The following NLGN1 variants were observed in gnomAD, a reference collection of about 807,000 sequenced individuals.
NLGN1 encodes the protein neuroligin-1.
In NLGN1, 12 loss-of-function variants were observed where a neutral mutation model predicts 65.5. That is an observed-to-expected ratio of 0.18 (90% CI 0.12 to 0.30). The LOEUF is 0.30. Ranked by LOEUF, NLGN1 falls within the 10% of genes least tolerant of loss-of-function variation. NLGN1 has a pLI of 1.00. For synonymous variants in NLGN1, 350 were observed against 359.5 expected (o/e 0.97, Z 0.30); for missense variants, 750 against 1,007.1 (o/e 0.74, Z 3.46).
chr3:173,546,957 G>A (rs1241360593), intron 2 of NLGN1, among the ~76,000 whole-genome samples: 1 of 152,082 alleles, frequency 6.6e-6, no homozygotes, highest in Non-Finnish European at 1.5e-5. Context: ...AAATTAAACA[G>A]TATAAAATAA....
At chr3:173,517,751 T>TATCTATCC (rs1553874085) in intron 2 of NLGN1, among the ~76,000 whole-genome samples, 1 of 14,032 alleles carries the variant, frequency 7.1e-5, no homozygotes, top group Non-Finnish European at 1.6e-4. Context: ...TTCGCAAATT[T>TATCTATCC]ATCTATCTAT....
Position 173,414,544 on chromosome 3 carries a change from G to A in NLGN1, c.-390+16057G>A, listed in dbSNP as rs1294304745. 2.7e-5 allele frequency among the ~76,000 whole-genome samples: 4 copies of A among 150,160 alleles called. No homozygotes were observed. In the South Asian group the frequency reaches 8.4e-4, roughly 31 times the overall value. ...TGCCACCTCAGAACCTTAGTTAAGA[G>A]ACTAGAACTACATTATATGATATGC... On this transcript the variant is annotated intron_variant, in intron 1 of 6. Transcript: ENST00000457714.
chr3:173,555,762 G>A (rs1560430317), intron 2 of NLGN1, among the ~76,000 whole-genome samples: 1 of 152,132 alleles, frequency 6.6e-6, no homozygotes, highest in Admixed American at 6.6e-5. Flanking sequence ...GATTACAGGC[G>A]TGAGCAAATG....
chr3:173,728,399 A>G (rs1772192369), intron 3 of NLGN1, among the ~76,000 whole-genome samples: 1 of 152,084 alleles, frequency 6.6e-6, no homozygotes, highest in African/African-American at 2.4e-5. Flanking sequence ...AGGACAATAT[A>G]TAACAGAGGT....
chr3:173,595,622 C>T (rs1457993059), intron 2 of NLGN1, among the ~76,000 whole-genome samples: 2 of 152,156 alleles, frequency 1.3e-5, no homozygotes, highest in Non-Finnish European at 2.9e-5. Flanking sequence ...TTCAGCAGTG[C>T]CCCACTCTGC....
intron 4 of NLGN1, among the ~76,000 whole-genome samples, chr3:174,103,535 G>A (rs1431541829): frequency 6.6e-6 from 1 of 151,858 alleles, no homozygotes; most frequent in Non-Finnish European, 1.5e-5. Flanking sequence ...TTTTTTATTG[G>A]CAATTAAATG....
At chr3:173,683,388 T>C (rs956404629) in intron 3 of NLGN1, among the ~76,000 whole-genome samples, 3 of 152,014 alleles carry the variant, frequency 2.0e-5, no homozygotes, top group Non-Finnish European at 4.4e-5. Flanking sequence ...GGAAATAGAG[T>C]TGAAATTCCC....
chr3:173,939,748 AAAT>A (rs1174507369), intron 4 of NLGN1, among the ~76,000 whole-genome samples: 2 of 152,168 alleles, frequency 1.3e-5, no homozygotes, highest in Non-Finnish European at 2.9e-5. Context: ...TTTTCTGCCC[AAAT>A]AATAATGAAA....
chr3:173,489,603 A>T (rs1728762374), intron 2 of NLGN1, among the ~76,000 whole-genome samples: 1 of 152,256 alleles, frequency 6.6e-6, no homozygotes, highest in Admixed American at 6.5e-5. Flanking sequence ...TATACCCAGT[A>T]ATGGGATGGC....
chr3:173,605,536 A>C (rs1450642569), intron 3 of NLGN1: 3 of 1,284,780 alleles, frequency 2.3e-6, no homozygotes, highest in African/African-American at 3.0e-5. Context: ...TTTTTCAGTA[A>C]AAAGAATATC....
At chr3:174,220,290 TGGACCAATA>T in intron 4 of NLGN1, among the ~76,000 whole-genome samples, 1 of 152,084 alleles carries the variant, frequency 6.6e-6, no homozygotes, top group Non-Finnish European at 1.5e-5. Context: ...ATAAACTGAG[TGGACCAATA>T]AAATCAAAAT....
At chr3:173,568,050 A>G (rs1159916694) in intron 2 of NLGN1, among the ~76,000 whole-genome samples, 1 of 152,200 alleles carries the variant, frequency 6.6e-6, no homozygotes, top group African/African-American at 2.4e-5. Context: ...TGACTAAATC[A>G]AGCTAACATA....
chr3:174,268,054 A>G (rs899087318), intron 4 of NLGN1, among the ~76,000 whole-genome samples: 3 of 152,146 alleles, frequency 2.0e-5, no homozygotes, highest in African/African-American at 7.2e-5. Flanking sequence ...ATAATTCTGA[A>G]GTATATAGTT....
intron 2 of NLGN1, among the ~76,000 whole-genome samples, chr3:173,501,191 A>G (rs779458066): frequency 1.3e-5 from 2 of 152,028 alleles, no homozygotes; most frequent in South Asian, 2.1e-4. Flanking sequence ...TGCTGCGCCT[A>G]TCAACCCATC....
intron 4 of NLGN1, among the ~76,000 whole-genome samples, chr3:174,200,072 G>A (rs1339861730): frequency 6.6e-6 from 1 of 152,060 alleles, no homozygotes; most frequent in Non-Finnish European, 1.5e-5. Context: ...GGGATGCTGG[G>A]GTCTAATAAT....
chr3:174,095,923 C>T (rs1290192389), intron 4 of NLGN1, among the ~76,000 whole-genome samples: 1 of 151,886 alleles, frequency 6.6e-6, no homozygotes, highest in Non-Finnish European at 1.5e-5. Flanking sequence ...TAGCTTGAAC[C>T]CAGGAGGCAG....
rs534838451 is a variant in NLGN1, at chr3:173,759,913, A to G, written c.494-47767A>G. The stretch of plus-strand genomic sequence containing the variant: ...TTATTGTTTTATAATTACATCTTTA[A>G]TCAACTGGAATTGGGTGACACAAGG... On this transcript the variant is annotated intron_variant, in intron 3 of 6. Transcript: ENST00000457714. 4.6e-5 allele frequency among the ~76,000 whole-genome samples: 7 copies of G among 151,950 alleles called. No homozygotes were observed. The East Asian group carries it at 1.4e-3, about 29-fold the overall frequency.
At chr3:173,759,725 C>T (rs749881146) in intron 3 of NLGN1, among the ~76,000 whole-genome samples, 7 of 151,872 alleles carry the variant, frequency 4.6e-5, no homozygotes, top group Admixed American at 2.0e-4. Flanking sequence ...TAGAATAGCT[C>T]GTATATTGTT....
chr3:173,649,603 C>T (rs969258291), intron 3 of NLGN1, among the ~76,000 whole-genome samples: 3 of 152,084 alleles, frequency 2.0e-5, no homozygotes, highest in African/African-American at 7.2e-5. Flanking sequence ...CTCCTTTTCT[C>T]ACCGTGAAAA....
Sources: allele counts gnomAD v4.1 joint callset (sites outside exome capture counted in the v4.1 genomes callset), GRCh38; gene constraint gnomAD v4.1.1; transcripts MANE v1.5; gene names NCBI Gene and HGNC (gene_info 2026-07-23, HGNC 2026-07-21).